The following RALGPS1 variants were observed in gnomAD, a reference collection of about 807,000 sequenced individuals.
RALGPS1 encodes the protein ras-specific guanine nucleotide-releasing factor RalGPS1.
RALGPS1 carries 19 observed loss-of-function variants against 78.8 expected under a neutral mutation model. The observed-to-expected ratio is 0.24, with a 90% CI of 0.17 to 0.35. The LOEUF (loss-of-function observed/expected upper bound fraction) is 0.35. Ranked by LOEUF, RALGPS1 falls within the 10% of genes least tolerant of loss-of-function variation. The probability of loss-of-function intolerance (pLI) is 1.00; values close to 1 mark genes in which losing one functional copy is unlikely to be tolerated. For synonymous variants in RALGPS1, 228 were observed against 256.3 expected, an observed-to-expected ratio of 0.89 and a Z score of 1.06; for missense variants, 454 against 688.3, an observed-to-expected ratio of 0.66 and a Z score of 3.81.
At chr9:127,007,728 A>G (rs1454999147) in intron 4 of RALGPS1, among the ~76,000 whole-genome samples, 1 of 152,194 alleles carries the variant, frequency 6.6e-6, no homozygotes, top group African/African-American at 2.4e-5. Flanking sequence ...TCACGCCACA[A>G]TGAGGCCAGT....
chr9:127,198,649 C>T (rs2140657341), intron 13 of RALGPS1, among the ~76,000 whole-genome samples: 2 of 152,278 alleles, frequency 1.3e-5, no homozygotes, highest in Middle Eastern at 6.8e-3. Context: ...CTCATTTGGC[C>T]TCACCAGGTG....
At chr9:127,001,014 C>G (rs953278387) in intron 4 of RALGPS1, among the ~76,000 whole-genome samples, 6 of 151,314 alleles carry the variant, frequency 4.0e-5, no homozygotes, top group African/African-American at 1.5e-4. Flanking sequence ...GTGGCTCACA[C>G]CTATAATCCC....
intron 8 of RALGPS1, among the ~76,000 whole-genome samples, chr9:127,131,833 G>A (rs1328836156): frequency 6.6e-6 from 1 of 152,138 alleles, no homozygotes; most frequent in Non-Finnish European, 1.5e-5. Context: ...GGGTCCTTGT[G>A]CTCACCACTT....
chr9:127,184,185 C>T (rs1241101577), intron 11 of RALGPS1: 1 of 820,652 alleles, frequency 1.2e-6, no homozygotes, highest in Non-Finnish European at 1.9e-6. Context: ...ATGATCTGGG[C>T]ATGGTGGTGC....
At chr9:127,130,831 A>G (rs1199767060) in intron 8 of RALGPS1, among the ~76,000 whole-genome samples, 1 of 152,234 alleles carries the variant, frequency 6.6e-6, no homozygotes, top group Non-Finnish European at 1.5e-5. Context: ...TCTGGCACCC[A>G]GAAGCCTGCC....
At chr9:127,015,175 T>C (rs1480692972) in intron 4 of RALGPS1, among the ~76,000 whole-genome samples, 2 of 152,206 alleles carry the variant, frequency 1.3e-5, no homozygotes, top group Non-Finnish European at 2.9e-5. Context: ...ATGGTAACAA[T>C]GCCTGCCCAG....
chr9:127,202,844 C>T lies in RALGPS1; in HGVS notation c.1247+3778C>T, dbSNP rs751622641. On this transcript the variant is annotated intron_variant, in intron 14 of 18. Coordinates refer to ENST00000259351, the MANE Select transcript of RALGPS1 (RefSeq NM_014636.3). ...CACCTCATGCCGGGGAGAGTAGGGG[C>T]GAGGAGAGAAGGGGGGCCCCCAGCA... Among the ~76,000 whole-genome samples, 10 of 151,998 alleles carry T rather than the reference C, an allele frequency of 6.6e-5. No individual in the cohort carries two copies. The East Asian group carries it at 9.7e-4, about 15-fold the overall frequency.
Position 127,214,803 on chromosome 9 carries a change from C to T in RALGPS1, c.1605C>T (p.His535=), listed in dbSNP as rs1340237305. 1.2e-6 allele frequency: 2 copies of T among 1,612,042 alleles called. No homozygotes were observed. The highest frequency in any genetic ancestry group is 1.7e-6 in the Non-Finnish European group (2 of 1,179,284). The change falls in exon 18 of 19, where the codon CAC becomes CAT. Residue 535 remains histidine, a synonymous_variant. Transcript: ENST00000259351. ...TGSRFHAILW[H]KHLDDACKSN... ...CCCGATTTCATGCAATACTGTGGCA[C>T]AAGCATTTGGATGATGCATGTAAAA...
intron 1 of RALGPS1, among the ~76,000 whole-genome samples, chr9:126,944,079 G>A (rs1027068463): frequency 6.6e-6 from 1 of 152,210 alleles, no homozygotes; most frequent in African/African-American, 2.4e-5. Context: ...CCTCCCACTT[G>A]CCTGAACTTG....
chr9:127,178,370 T>C (rs1448687918), intron 11 of RALGPS1: 9 of 757,296 alleles, frequency 1.2e-5, no homozygotes, highest in Non-Finnish European at 1.5e-5. Flanking sequence ...CTACTCAGCA[T>C]ACTGCCAAGC....
At chr9:127,163,669 T>TC (rs1486524088) in intron 8 of RALGPS1, among the ~76,000 whole-genome samples, 1 of 152,246 alleles carries the variant, frequency 6.6e-6, no homozygotes, top group African/African-American at 2.4e-5. Context: ...CCTGTCTCTT[T>TC]CATTTACCAG....
intron 4 of RALGPS1, among the ~76,000 whole-genome samples, chr9:127,021,106 A>G (rs1424981993): frequency 1.3e-5 from 2 of 152,138 alleles, no homozygotes; most frequent in Admixed American, 6.5e-5. Flanking sequence ...AATTTTCTTC[A>G]TTGGAGGCCA....
At chr9:127,086,218 T>C (rs2051719974) in intron 8 of RALGPS1, among the ~76,000 whole-genome samples, 1 of 152,190 alleles carries the variant, frequency 6.6e-6, no homozygotes, top group Non-Finnish European at 1.5e-5. Flanking sequence ...AAAGCTATCA[T>C]ATGGTTATGC....
chr9:127,053,045 C>A (rs1049005874), intron 7 of RALGPS1, 106 bp downstream of exon 7: 2 of 821,502 alleles, frequency 2.4e-6, no homozygotes, highest in South Asian at 1.5e-5. Context: ...ACTTTGCCAA[C>A]AACAGAGTTA....
intron 11 of RALGPS1, 133 bp from the exon 12 acceptor site, chr9:127,194,957 TG>T: frequency 9.7e-7 from 1 of 1,035,718 alleles, no homozygotes; most frequent in Non-Finnish European, 1.5e-6. Flanking sequence ...ATATGAACCT[TG>T]CCCCACCTGT....
intron 4 of RALGPS1, chr9:126,978,274 G>A (rs149732493): frequency 6.7e-6 from 1 of 150,198 alleles, no homozygotes; most frequent in African/African-American, 2.4e-5. Flanking sequence ...GAGATCAGGG[G>A]TTTGAGACCA....
intron 3 of RALGPS1, among the ~76,000 whole-genome samples, chr9:126,971,406 A>T (rs184441869): frequency 6.6e-6 from 1 of 152,314 alleles, no homozygotes; most frequent in Admixed American, 6.5e-5. Context: ...AAGGAAAAAA[A>T]ATTATTTGGG....
intron 14 of RALGPS1, among the ~76,000 whole-genome samples, chr9:127,204,121 G>A (rs1280998749): frequency 1.3e-5 from 2 of 152,154 alleles, no homozygotes; most frequent in African/African-American, 4.8e-5. Context: ...GCACAGTGAA[G>A]ATCTAACACA....
intron 4 of RALGPS1, chr9:126,990,122 C>G: frequency 8.5e-7 from 1 of 1,178,632 alleles, no homozygotes; most frequent in Middle Eastern, 2.2e-4. Flanking sequence ...TCCTTGGAAT[C>G]AGTGTTTGGC....
Sources: gnomAD v4.1 joint callset for allele counts (sites outside exome capture counted in the v4.1 genomes callset) on GRCh38, gnomAD v4.1.1 for gene constraint, MANE v1.5 for transcripts, NCBI Gene and HGNC (gene_info 2026-07-23, HGNC 2026-07-21) for gene names.